PTPRD: variants seen among roughly 807,000 people sequenced by gnomAD.
PTPRD encodes protein tyrosine phosphatase receptor type D.
PTPRD carries 34 observed loss-of-function variants against 214.5 expected under a neutral mutation model. The ratio of observed to expected loss-of-function variants is 0.16; its 90% CI spans 0.12 to 0.21. The LOEUF (loss-of-function observed/expected upper bound fraction) is 0.21. Ranked by LOEUF, PTPRD falls within the 10% of genes least tolerant of loss-of-function variation. The pLI is 1.00. For missense variants in PTPRD, 2,545 were observed against 2,398.7 expected (o/e 1.06, Z -1.27); for synonymous variants, 1,128 against 845.7 (o/e 1.33, Z -5.79).
chr9:9,159,912 C>A (rs1290455921), intron 10 of PTPRD, among the ~76,000 whole-genome samples: 1 of 152,104 alleles, frequency 6.6e-6, no homozygotes, highest in African/African-American at 2.4e-5. Context: ...CATTTGTGGG[C>A]AATTGATTTT....
chr9:9,435,391 G>T (rs76631604), intron 8 of PTPRD, among the ~76,000 whole-genome samples: 2,776 of 124,196 alleles, frequency 0.022, 89 homozygotes, highest in African/African-American at 0.08. Context: ...AGGCATGGTG[G>T]CATGTGCCTG....
chr9:9,390,654 C>T (rs201572343), intron 9 of PTPRD, among the ~76,000 whole-genome samples: 2 of 152,170 alleles, frequency 1.3e-5, no homozygotes, highest in South Asian at 2.1e-4. Context: ...GATCTCATTA[C>T]AACTTTTAGT....
In PTPRD at chr9:8,314,402, A is replaced by G; in HGVS notation, c.*3472T>C. 1 of 230,234 alleles carries G rather than the reference A, an allele frequency of 4.3e-6. No individual in the cohort carries two copies. The highest frequency in any genetic ancestry group is 8.6e-6 in the Non-Finnish European group (1 of 115,866). The allele number at this position is 230,234 out of a possible 1,614,324, so 14.3% of individuals were successfully genotyped here. On this transcript the variant is annotated 3_prime_UTR_variant, in exon 46 of 46. Transcript: ENST00000381196. ...ATTCTGTAAAACATTTACGCGTACT[A>G]CTAATTAGAGGTAATTGTATTTTTT...
At chr9:8,527,294 TG>T in intron 16 of PTPRD, 50 bp downstream of exon 16, 1 of 1,567,286 alleles carries the variant, frequency 6.4e-7, no homozygotes, top group Non-Finnish European at 8.7e-7. Context: ...AATAATATTC[TG>T]GATATGGAAA....
At chr9:9,959,840 G>C (rs896628437) in intron 4 of PTPRD, among the ~76,000 whole-genome samples, 1 of 152,264 alleles carries the variant, frequency 6.6e-6, no homozygotes, top group Admixed American at 6.5e-5. Context: ...AATGACTTAT[G>C]TTGTGATGGA....
chr9:8,354,824 A>C (rs1434606258), intron 39 of PTPRD, among the ~76,000 whole-genome samples: 1 of 152,222 alleles, frequency 6.6e-6, no homozygotes, highest in Non-Finnish European at 1.5e-5. Context: ...CCCAAGGTCC[A>C]CGATTCTATC....
chr9:9,573,429 C>A (rs2154302894), intron 8 of PTPRD, among the ~76,000 whole-genome samples: 1 of 149,024 alleles, frequency 6.7e-6, no homozygotes, highest in South Asian at 2.1e-4. Flanking sequence ...AAAAAAAAAA[C>A]TTATGTCAGT....
intron 10 of PTPRD, among the ~76,000 whole-genome samples, chr9:9,180,752 G>A (rs1232264970): frequency 6.6e-6 from 1 of 152,002 alleles, no homozygotes; most frequent in Non-Finnish European, 1.5e-5. Context: ...TAAATAATTG[G>A]AGGAAAAGAC....
intron 2 of PTPRD, among the ~76,000 whole-genome samples, chr9:10,560,118 T>C (rs2063536187): frequency 6.6e-6 from 1 of 152,140 alleles, no homozygotes; most frequent in South Asian, 2.1e-4. Context: ...CGTATGTTTA[T>C]CGCGGCACTA....
chr9:9,470,761 G>A (rs939231578), intron 8 of PTPRD, among the ~76,000 whole-genome samples: 1 of 152,116 alleles, frequency 6.6e-6, no homozygotes, highest in African/African-American at 2.4e-5. Context: ...AGTGTAACAA[G>A]AGCCTCCTTC....
At chr9:8,709,263 C>T (rs1437842956) in intron 12 of PTPRD, among the ~76,000 whole-genome samples, 1 of 151,944 alleles carries the variant, frequency 6.6e-6, no homozygotes, top group African/African-American at 2.4e-5. Context: ...ACCTGTAATG[C>T]CAGCACTTTG....
At chr9:9,561,221 C>T (rs148393246) in intron 8 of PTPRD, among the ~76,000 whole-genome samples, 25 of 152,254 alleles carry the variant, frequency 1.6e-4, no homozygotes, top group Non-Finnish European at 3.4e-4. Context: ...AACATCATAC[C>T]TTGGCCTACC....
chr9:9,591,225 G>GC (rs57789045), intron 7 of PTPRD, among the ~76,000 whole-genome samples: 53,220 of 151,668 alleles, frequency 0.35, 9,738 homozygotes, highest in African/African-American at 0.42. Flanking sequence ...TGAGAGGGAG[G>GC]AACCTGCCAT....
rs148637192 is a variant in PTPRD at position 10,375,235 on chromosome 9, G to C, written c.-599-34218C>G. Among the ~76,000 whole-genome samples, 398 of 152,156 alleles carry C rather than the reference G, an allele frequency of 2.6e-3. 4 individuals carry two copies. The highest frequency in any genetic ancestry group is 8.7e-3 in the African/African-American group (363 of 41,560). ...TTGTACTTGCATTATCATGTTGCTTGACCAAGGTGATTTGTATGCTTAAAA... is the reference window on the plus strand; with the variant it reads ...TTGTACTTGCATTATCATGTTGCTTCACCAAGGTGATTTGTATGCTTAAAA... On this transcript the variant is annotated intron_variant, in intron 2 of 45. Transcript: ENST00000381196.
At chr9:9,650,556 G>C (rs2096312161) in intron 7 of PTPRD, among the ~76,000 whole-genome samples, 1 of 152,044 alleles carries the variant, frequency 6.6e-6, no homozygotes, top group African/African-American at 2.4e-5. Flanking sequence ...TTTGGTATCA[G>C]GATGATGCTG....
At chr9:10,464,980 G>C (rs2098983706) in intron 2 of PTPRD, among the ~76,000 whole-genome samples, 1 of 152,024 alleles carries the variant, frequency 6.6e-6, no homozygotes, top group Non-Finnish European at 1.5e-5. Context: ...TAACAAACAA[G>C]GCTATGAATC....
At chr9:8,742,940 G>A (rs2092257369) in intron 11 of PTPRD, among the ~76,000 whole-genome samples, 1 of 152,018 alleles carries the variant, frequency 6.6e-6, no homozygotes, top group African/African-American at 2.4e-5. Context: ...GGTGACCCAT[G>A]GCACCTAAGG....
At position 8,754,394 on chromosome 9, in the gene PTPRD, A is replaced by G. The variant is rs12341938; in HGVS notation, c.-103-20448T>C. ...ACAGAAATTAAGATGGTGAAGTGTT[A>G]GCTCAAGGACAAGCAAAATAGTGGA... is the stretch of plus-strand genomic sequence containing the variant. On this transcript the variant is annotated intron_variant, in intron 11 of 45. Coordinates refer to ENST00000381196, the MANE Select transcript of PTPRD (RefSeq NM_002839.4). 3.3e-3 allele frequency among the ~76,000 whole-genome samples: 505 copies of G among 152,340 alleles called. 1 individual carries two copies. Among genetic ancestry groups the G allele is most frequent in the African/African-American group, 0.012 (490 of 41,578 alleles).
chr9:8,379,433 A>G (rs948639494), intron 37 of PTPRD, among the ~76,000 whole-genome samples: 1 of 152,150 alleles, frequency 6.6e-6, no homozygotes, highest in African/African-American at 2.4e-5. Flanking sequence ...AGTTACTGAC[A>G]AATATTATTT....
Sources: gnomAD v4.1 joint callset for allele counts (sites outside exome capture counted in the v4.1 genomes callset) on GRCh38, gnomAD v4.1.1 for gene constraint, MANE v1.5 for transcripts, NCBI Gene and HGNC (gene_info 2026-07-23, HGNC 2026-07-21) for gene names.